ATP10A: variants seen among roughly 807,000 people sequenced by gnomAD.
The protein encoded by ATP10A is ATPase phospholipid transporting 10A (putative), also known as phospholipid-transporting ATPase VA.
A neutral mutation model predicts 147.8 loss-of-function variants in ATP10A; 111 were observed. The ratio of observed to expected loss-of-function variants is 0.75; its 90% CI spans 0.64 to 0.88. The LOEUF is 0.88. Among genes scored for constraint, ATP10A ranks in the 40% least tolerant of loss-of-function variants. The pLI, the probability that ATP10A is intolerant of heterozygous loss-of-function variation, is 0.00. For synonymous variants in ATP10A, 875 were observed against 841.6 expected, an observed-to-expected ratio of 1.04 and a Z score of -0.69; for missense variants, 1,927 against 1,959.0, an observed-to-expected ratio of 0.98 and a Z score of 0.31.
chr15:25,857,750 G>A (rs1893579095), intron 1 of ATP10A, among the ~76,000 whole-genome samples: 1 of 152,264 alleles, frequency 6.6e-6, no homozygotes, highest in African/African-American at 2.4e-5. Context: ...TTCTTGGGGT[G>A]GGAATACCAA....
chr15:25,835,514 C>A (rs938561042), intron 1 of ATP10A, among the ~76,000 whole-genome samples: 1 of 152,124 alleles, frequency 6.6e-6, no homozygotes, highest in South Asian at 2.1e-4. Flanking sequence ...ATGGGGTCAG[C>A]ACAGTTTTTG....
chr15:25,800,446 G>T (rs1890884143), intron 1 of ATP10A, among the ~76,000 whole-genome samples: 2 of 152,060 alleles, frequency 1.3e-5, no homozygotes, highest in Admixed American at 6.6e-5. Context: ...CCTCCCAAGT[G>T]CCTCTCCTCT....
intron 1 of ATP10A, among the ~76,000 whole-genome samples, chr15:25,844,847 G>A (rs146535144): frequency 3.3e-5 from 5 of 152,326 alleles, no homozygotes; most frequent in African/African-American, 1.2e-4. Flanking sequence ...AGCCTGCACC[G>A]GCACATGAGG....
chr15:25,734,961 AGCAGATCGCTCCCACGCCTCC>A (rs1887176839), intron 3 of ATP10A, among the ~76,000 whole-genome samples: 4 of 144,128 alleles, frequency 2.8e-5, no homozygotes, highest in Admixed American at 2.1e-4. Context: ...CACTTCCAGA[AGCAGATCGCTCCCACGCCTCC>A]GTATGTCTGC....
intron 3 of ATP10A, among the ~76,000 whole-genome samples, chr15:25,727,838 C>A (rs1902674562): frequency 6.6e-6 from 1 of 152,162 alleles, no homozygotes; most frequent in African/African-American, 2.4e-5. Flanking sequence ...TATTTAGATC[C>A]AGAGGGATAG....
rs761039494 is a variant in ATP10A at position 25,718,179 on chromosome 15, C to T, written c.1581+3G>A. 1.9e-6 allele frequency: 3 copies of T among 1,612,398 alleles called. No homozygotes were observed. The highest frequency in any genetic ancestry group is 2.7e-5 in the African/African-American group (2 of 74,946). On this transcript the variant is annotated splice_donor_region_variant and intron_variant, in intron 8 of 20. Coordinates refer to ENST00000555815, the MANE Select transcript of ATP10A (RefSeq NM_024490.4). ...ACCCTAGCAGGAGGCCCTGTACACT[C>T]ACCATGGGGCTGCTGAAGGCCGTGT...
At chr15:25,731,610 G>A (rs1442635075) in intron 3 of ATP10A, among the ~76,000 whole-genome samples, 2 of 152,136 alleles carry the variant, frequency 1.3e-5, no homozygotes, top group Non-Finnish European at 2.9e-5. Flanking sequence ...AGGCCTCTCT[G>A]GGAGATGACA....
chr15:25,687,663 C>T, intron 16 of ATP10A, 40 bp downstream of exon 16: 4 of 1,545,436 alleles, frequency 2.6e-6, no homozygotes, highest in Admixed American at 1.9e-5. Flanking sequence ...AGAACCGAAC[C>T]TTCCAATCCC....
intron 13 of ATP10A, 23 bp from the exon 14 acceptor site, chr15:25,695,169 G>A (rs1276995823): frequency 1.9e-6 from 3 of 1,584,030 alleles, no homozygotes; most frequent in Admixed American, 3.5e-5. Context: ...TGAGAGGACA[G>A]CGCAGTTCCC....
intron 1 of ATP10A, among the ~76,000 whole-genome samples, chr15:25,857,729 G>A (rs1229173015): frequency 6.6e-6 from 1 of 152,160 alleles, no homozygotes; most frequent in African/African-American, 2.4e-5. Context: ...TTATTTTAAA[G>A]AGGCCTGTTG....
chr15:25,790,903 A>T (rs2140744220), intron 1 of ATP10A, among the ~76,000 whole-genome samples: 1 of 152,280 alleles, frequency 6.6e-6, no homozygotes, highest in Non-Finnish European at 1.5e-5. Flanking sequence ...CATTGGTATG[A>T]CAATCCCAGG....
intron 1 of ATP10A, among the ~76,000 whole-genome samples, chr15:25,858,167 C>T (rs932547712): frequency 6.6e-6 from 1 of 152,172 alleles, no homozygotes; most frequent in Non-Finnish European, 1.5e-5. Context: ...GCGTCCAGTG[C>T]CCTAACCTAC....
At position 25,796,683 on chromosome 15, in the gene ATP10A, G is replaced by A. The variant is rs971800129; in HGVS notation, c.450-15460C>T. 5.9e-5 allele frequency among the ~76,000 whole-genome samples: 9 copies of A among 152,162 alleles called. 1 individual carries two copies. Among genetic ancestry groups the A allele is most frequent in the Admixed American group, 5.9e-4 (9 of 15,278 alleles). Reference sequence around the variant, plus strand: ...CACAGGTGAGGCAGACATCGTCAGAGCCACATGTGTCCTGGGCAGGTGCTA... The same window carrying A: ...CACAGGTGAGGCAGACATCGTCAGAACCACATGTGTCCTGGGCAGGTGCTA... On this transcript the variant is annotated intron_variant, in intron 1 of 20. Transcript: ENST00000555815.
intron 3 of ATP10A, among the ~76,000 whole-genome samples, chr15:25,731,081 T>A (rs1256392143): frequency 6.6e-6 from 1 of 152,210 alleles, no homozygotes; most frequent in South Asian, 2.1e-4. Context: ...ACAGCCCTGC[T>A]GTCTTTACTA....
intron 2 of ATP10A, among the ~76,000 whole-genome samples, chr15:25,748,545 G>A (rs968253155): frequency 6.6e-6 from 1 of 151,876 alleles, no homozygotes; most frequent in Non-Finnish European, 1.5e-5. Flanking sequence ...ACATATAATG[G>A]TACAATGTTC....
chr15:25,713,570 A>T (rs1030824703), intron 10 of ATP10A, 104 bp downstream of exon 10: 1 of 1,164,278 alleles, frequency 8.6e-7, no homozygotes, highest in African/African-American at 1.6e-5. Flanking sequence ...CTGTTGGAAA[A>T]GGATTAATGA....
intron 4 of ATP10A, among the ~76,000 whole-genome samples, chr15:25,726,897 C>CAAA (rs57151119): frequency 1.8e-4 from 25 of 140,578 alleles, no homozygotes; most frequent in African/African-American, 6.4e-4. Flanking sequence ...TAAAAAAATA[C>CAAA]AAAAAAAAAA....
At chr15:25,859,461 C>A (rs1373253337) in intron 1 of ATP10A, among the ~76,000 whole-genome samples, 1 of 152,164 alleles carries the variant, frequency 6.6e-6, no homozygotes, top group Non-Finnish European at 1.5e-5. Flanking sequence ...TTAGCCAGCA[C>A]CGAGGTCCAT....
At chr15:25,804,076 GGTGTGTGTGTGT>G (rs5811398) in intron 1 of ATP10A, among the ~76,000 whole-genome samples, 2 of 144,204 alleles carry the variant, frequency 1.4e-5, no homozygotes, top group Non-Finnish European at 3.0e-5. Context: ...CTACGTGCAT[GGTGTGTGTGTGT>G]GTGTGTGTGT....
Sources: gnomAD v4.1 joint callset for allele counts (sites outside exome capture counted in the v4.1 genomes callset) on GRCh38, gnomAD v4.1.1 for gene constraint, MANE v1.5 for transcripts, NCBI Gene and HGNC (gene_info 2026-07-23, HGNC 2026-07-21) for gene names.